FOXJ3: variants seen among roughly 807,000 people sequenced by gnomAD.
The protein encoded by FOXJ3 is forkhead box protein J3.
A neutral mutation model predicts 76.1 loss-of-function variants in FOXJ3; 22 were observed. The ratio of observed to expected loss-of-function variants is 0.29; its 90% CI spans 0.21 to 0.41. FOXJ3 has a LOEUF of 0.41. Ranked by LOEUF, FOXJ3 falls within the 10% of genes least tolerant of loss-of-function variation. The probability of loss-of-function intolerance (pLI) is 1.00; values close to 1 mark genes in which losing one functional copy is unlikely to be tolerated. For missense variants in FOXJ3, 613 were observed against 762.1 expected (o/e 0.80, Z 2.30); for synonymous variants, 269 against 261.2 (o/e 1.03, Z -0.29).
At chr1:42,211,423 G>T (rs1344339734) in intron 5 of FOXJ3, among the ~76,000 whole-genome samples, 1 of 151,986 alleles carries the variant, frequency 6.6e-6, no homozygotes, top group Non-Finnish European at 1.5e-5. Context: ...CTGTTTTCCT[G>T]CTGGCCTGAA....
At position 42,324,902 on chromosome 1, in the gene FOXJ3, A is replaced by G. The variant is rs187921951; in HGVS notation, c.-18+10157T>C. On this transcript the variant is annotated intron_variant, in intron 1 of 12. Coordinates refer to ENST00000361346, the MANE Select transcript of FOXJ3 (RefSeq NM_014947.5). Reference sequence around the variant, plus strand: ...ACTGTAGACTTTATAAACACTGTACACACAGACTACACTAAATTTTTTTTA... The same window carrying G: ...ACTGTAGACTTTATAAACACTGTACGCACAGACTACACTAAATTTTTTTTA... Among the ~76,000 whole-genome samples the G allele has an allele frequency of 3.3e-5, 5 of 152,276 alleles. No homozygotes were observed. The East Asian group carries it at 9.6e-4, about 29-fold the overall frequency.
chr1:42,279,642 T>C (rs1011364038), intron 2 of FOXJ3, among the ~76,000 whole-genome samples: 10 of 152,040 alleles, frequency 6.6e-5, no homozygotes, highest in Non-Finnish European at 1.0e-4. Flanking sequence ...GATAAGAATA[T>C]AGAAACAAGG....
chr1:42,278,085 G>A (rs1652425923), intron 3 of FOXJ3, among the ~76,000 whole-genome samples: 1 of 151,984 alleles, frequency 6.6e-6, no homozygotes, highest in Non-Finnish European at 1.5e-5. Flanking sequence ...CTGAACTGCA[G>A]GTATGGTTTC....
intron 1 of FOXJ3, among the ~76,000 whole-genome samples, chr1:42,325,072 G>T (rs1420108232): frequency 1.3e-5 from 2 of 152,104 alleles, no homozygotes; most frequent in East Asian, 1.9e-4. Flanking sequence ...CTGTATAATG[G>T]CTATATAATA....
intron 11 of FOXJ3, among the ~76,000 whole-genome samples, chr1:42,187,507 G>T (rs1482153829): frequency 6.6e-6 from 1 of 152,162 alleles, no homozygotes; most frequent in Admixed American, 6.5e-5. Flanking sequence ...CAAAGTATGG[G>T]CTTAGAACCC....
intron 2 of FOXJ3, among the ~76,000 whole-genome samples, chr1:42,301,710 A>C (rs1654161089): frequency 6.6e-6 from 1 of 152,152 alleles, no homozygotes; most frequent in African/African-American, 2.4e-5. Context: ...TTCATATCCC[A>C]AACTGTTTTT....
chr1:42,224,767 A>T (rs1013951252), intron 5 of FOXJ3, among the ~76,000 whole-genome samples: 1 of 152,126 alleles, frequency 6.6e-6, no homozygotes, highest in African/African-American at 2.4e-5. Flanking sequence ...TGCATTTTTT[A>T]AAATCACTTC....
At chr1:42,315,702 A>G (rs1247319169) in intron 1 of FOXJ3, among the ~76,000 whole-genome samples, 1 of 152,326 alleles carries the variant, frequency 6.6e-6, no homozygotes, top group South Asian at 2.1e-4. Context: ...CTCACAAAAG[A>G]AGGCTAAGGT....
intron 4 of FOXJ3, among the ~76,000 whole-genome samples, chr1:42,251,195 G>A (rs532173692): frequency 1.7e-4 from 26 of 152,088 alleles, no homozygotes; most frequent in African/African-American, 6.3e-4. Context: ...AAAAGTGACA[G>A]GGGTTTGGGG....
chr1:42,242,566 CAA>C (rs67533279), intron 4 of FOXJ3, among the ~76,000 whole-genome samples: 32,097 of 139,672 alleles, frequency 0.23, 3,939 homozygotes, highest in Admixed American at 0.29. Context: ...TCAATAAGAC[CAA>C]AAAAAAAAAA....
At chr1:42,230,119 T>C (rs1042353377) in intron 4 of FOXJ3, among the ~76,000 whole-genome samples, 1 of 152,204 alleles carries the variant, frequency 6.6e-6, no homozygotes, top group Admixed American at 6.5e-5. Flanking sequence ...CCACTAGGTA[T>C]TCATAAAATC....
At chr1:42,197,712 T>C (rs569220531) in intron 7 of FOXJ3, among the ~76,000 whole-genome samples, 1 of 151,958 alleles carries the variant, frequency 6.6e-6, no homozygotes, top group East Asian at 1.9e-4. Context: ...ACAGTCTCGC[T>C]CTATCGCCCA....
In FOXJ3 at chr1:42,278,576, A is replaced by G; in HGVS notation, c.141T>C (p.Asn47=). 6.2e-7 allele frequency: 1 copy of G among 1,614,132 alleles called. No individual in the cohort carries two copies. The highest frequency in any genetic ancestry group is 8.5e-7 in the Non-Finnish European group (1 of 1,180,006). Residue 47 remains asparagine (N), a synonymous_variant, in exon 3 of 13, where the codon AAT becomes AAC. Transcript: ENST00000361346. ...AAIQKSDATQ[N]AHGTGISKKN... ...TCTTAGAAATTCCTGTTCCATGTGC[A>G]TTTTGTGTAGCATCAGATTTTTGGA...
intron 1 of FOXJ3, among the ~76,000 whole-genome samples, chr1:42,324,358 T>TATACTATATATACTATACATAAC (rs1655699833): frequency 4.2e-5 from 1 of 24,006 alleles, no homozygotes. Flanking sequence ...ATACATAACA[T>TATACTATATATACTATACATAAC]ATATACTATA....
intron 2 of FOXJ3, among the ~76,000 whole-genome samples, chr1:42,287,166 C>T (rs996310248): frequency 1.3e-5 from 2 of 151,442 alleles, no homozygotes; most frequent in East Asian, 2.0e-4. Context: ...TGGTGAAACC[C>T]GATCTCTACT....
At chr1:42,184,950 C>A (rs899100620) in intron 11 of FOXJ3, among the ~76,000 whole-genome samples, 1 of 152,024 alleles carries the variant, frequency 6.6e-6, no homozygotes, top group East Asian at 1.9e-4. Flanking sequence ...GAAGCACAGG[C>A]GTGGAGGGGA....
chr1:42,308,390 T>C (rs1443277260), intron 2 of FOXJ3, among the ~76,000 whole-genome samples: 1 of 152,192 alleles, frequency 6.6e-6, no homozygotes, highest in African/African-American at 2.4e-5. Context: ...TTTATTGTGG[T>C]TATTAAGTAA....
At chr1:42,308,447 C>G (rs976589904) in intron 2 of FOXJ3, among the ~76,000 whole-genome samples, 12 of 152,066 alleles carry the variant, frequency 7.9e-5, no homozygotes, top group African/African-American at 2.4e-5. Flanking sequence ...CTGGCTTCCA[C>G]TAAGAAAAAT....
intron 4 of FOXJ3, among the ~76,000 whole-genome samples, chr1:42,263,930 CTTTTTTTTTTTTTTT>C (rs61375062): frequency 0.024 from 1,752 of 71,560 alleles, 58 homozygotes; most frequent in African/African-American, 0.083. Context: ...AGTAGGTTAA[CTTTTTTTTTTTTTTT>C]TTTTTTTTTT....
Sources: allele counts gnomAD v4.1 joint callset (sites outside exome capture counted in the v4.1 genomes callset), GRCh38; gene constraint gnomAD v4.1.1; transcripts MANE v1.5; gene names NCBI Gene and HGNC (gene_info 2026-07-23, HGNC 2026-07-21).